The following TAFA1 variants were observed in gnomAD, a reference collection of about 807,000 sequenced individuals.
The protein encoded by TAFA1 is chemokine-like protein TAFA-1.
TAFA1 carries 4 observed loss-of-function variants against 18.5 expected under a neutral mutation model. That is an observed-to-expected ratio of 0.22 (90% CI 0.11 to 0.49). TAFA1 has a LOEUF of 0.49. Ranked by LOEUF, TAFA1 falls within the 20% of genes least tolerant of loss-of-function variation. The pLI, the probability that TAFA1 is intolerant of heterozygous loss-of-function variation, is 0.98. For synonymous variants in TAFA1, 56 were observed against 55.2 expected, an observed-to-expected ratio of 1.01 and a Z score of -0.06; for missense variants, 147 against 169.0, an observed-to-expected ratio of 0.87 and a Z score of 0.72.
At chr3:68,386,751 G>T (rs918646930) in intron 2 of TAFA1, among the ~76,000 whole-genome samples, 5 of 152,116 alleles carry the variant, frequency 3.3e-5, no homozygotes, top group African/African-American at 1.2e-4. Flanking sequence ...GTAGCTAGTA[G>T]GTGTGAAGCT....
At chr3:68,053,808 A>G (rs1202766153) in intron 2 of TAFA1, among the ~76,000 whole-genome samples, 1 of 152,178 alleles carries the variant, frequency 6.6e-6, no homozygotes, top group Non-Finnish European at 1.5e-5. Flanking sequence ...GGCTCAAGCC[A>G]TCCTCCTGCC....
chr3:68,068,857 T>C (rs934329344), intron 2 of TAFA1, among the ~76,000 whole-genome samples: 62 of 152,200 alleles, frequency 4.1e-4, no homozygotes, highest in African/African-American at 1.4e-3. Flanking sequence ...ACGTATTATG[T>C]GAGAATTTGC....
At chr3:68,421,846 G>C (rs993106765) in intron 3 of TAFA1, among the ~76,000 whole-genome samples, 2 of 151,880 alleles carry the variant, frequency 1.3e-5, no homozygotes, top group Non-Finnish European at 2.9e-5. Context: ...TATGAGTTTT[G>C]TTTCATATTA....
At chr3:68,051,666 T>C (rs2064472848) in intron 2 of TAFA1, among the ~76,000 whole-genome samples, 2 of 152,154 alleles carry the variant, frequency 1.3e-5, no homozygotes, top group African/African-American at 4.8e-5. Flanking sequence ...CCCTCTAATA[T>C]ATGGCACTGT....
chr3:68,174,696 A>T (rs1257416698), intron 2 of TAFA1, among the ~76,000 whole-genome samples: 1 of 152,222 alleles, frequency 6.6e-6, no homozygotes, highest in Non-Finnish European at 1.5e-5. Context: ...TTATAAGGGA[A>T]GCAGAGCATG....
At chr3:68,425,019 T>C (rs988421119) in intron 3 of TAFA1, among the ~76,000 whole-genome samples, 3 of 151,970 alleles carry the variant, frequency 2.0e-5, no homozygotes, top group Non-Finnish European at 2.9e-5. Flanking sequence ...TGCCTAAGAC[T>C]GGCTGGCCAG....
At chr3:68,242,825 T>C (rs1575701254) in intron 2 of TAFA1, among the ~76,000 whole-genome samples, 2 of 152,160 alleles carry the variant, frequency 1.3e-5, no homozygotes, top group Admixed American at 1.3e-4. Context: ...GACGTGTGTG[T>C]GTGTGTGCAT....
At chr3:68,040,125 A>T (rs373174098) in intron 2 of TAFA1, among the ~76,000 whole-genome samples, 11 of 152,338 alleles carry the variant, frequency 7.2e-5, no homozygotes, top group African/African-American at 2.6e-4. Context: ...TTTTGTGTTT[A>T]TGGCTATATT....
chr3:68,252,936 C>T (rs909070209), intron 2 of TAFA1, among the ~76,000 whole-genome samples: 3 of 151,998 alleles, frequency 2.0e-5, no homozygotes, highest in Non-Finnish European at 2.9e-5. Flanking sequence ...TTTATAAAGG[C>T]GAAGATCCCC....
chr3:68,193,488 C>T (rs753222700), intron 2 of TAFA1, among the ~76,000 whole-genome samples: 4 of 151,672 alleles, frequency 2.6e-5, no homozygotes, highest in Non-Finnish European at 5.9e-5. Context: ...TGTCTCCTTC[C>T]AGTGTCTCCC....
chr3:68,406,231 G>A (rs1260938938), intron 2 of TAFA1, among the ~76,000 whole-genome samples: 1 of 151,960 alleles, frequency 6.6e-6, no homozygotes, highest in African/African-American at 2.4e-5. Context: ...ATATAAAATA[G>A]CATGGCCTAT....
chr3:68,277,023 T>C (rs1477726880), intron 2 of TAFA1, among the ~76,000 whole-genome samples: 6 of 152,202 alleles, frequency 3.9e-5, no homozygotes, highest in Non-Finnish European at 8.8e-5. Context: ...ATGTACATTA[T>C]TCTTTCATGG....
rs1291453065 is a variant in TAFA1 at position 68,300,427 on chromosome 3, C to A, written c.119-116853C>A. On this transcript the variant is annotated intron_variant, in intron 2 of 4. Coordinates refer to ENST00000478136, the MANE Select transcript of TAFA1 (RefSeq NM_213609.4). ...AAAGAACATTTACCCAATGCCGCTACCCCCATTGTATCTTGGAAGTAACTA... is the reference window on the plus strand; with the variant it reads ...AAAGAACATTTACCCAATGCCGCTAACCCCATTGTATCTTGGAAGTAACTA... Among the ~76,000 whole-genome samples, 4 of 152,164 alleles carry A rather than the reference C, an allele frequency of 2.6e-5. No individual in the cohort carries two copies. In the East Asian group the frequency reaches 7.7e-4, roughly 29 times the overall value.
intron 2 of TAFA1, among the ~76,000 whole-genome samples, chr3:68,327,367 G>C (rs9310047): frequency 0.061 from 9,220 of 152,120 alleles, 388 homozygotes; most frequent in African/African-American, 0.12. Context: ...TTCTAGCAGA[G>C]TTTTGTAAAA....
At chr3:68,070,225 G>C (rs192500302) in intron 2 of TAFA1, among the ~76,000 whole-genome samples, 172 of 152,324 alleles carry the variant, frequency 1.1e-3, no homozygotes, top group African/African-American at 4.0e-3. Flanking sequence ...CTGAAATCTA[G>C]ATGAGGTTCC....
intron 2 of TAFA1, among the ~76,000 whole-genome samples, chr3:68,287,914 TGGG>T (rs71112629): frequency 3.8e-5 from 2 of 53,288 alleles, no homozygotes; most frequent in African/African-American, 1.8e-4. Context: ...TGTTGGGGGG[TGGG>T]GGGGCTTTTT....
chr3:68,064,058 A>G (rs2064641319), intron 2 of TAFA1, among the ~76,000 whole-genome samples: 1 of 152,186 alleles, frequency 6.6e-6, no homozygotes, highest in Non-Finnish European at 1.5e-5. Flanking sequence ...AAAAAACAAA[A>G]CTTAATAAGT....
chr3:68,486,714 G>A (rs1186518730), intron 3 of TAFA1, among the ~76,000 whole-genome samples: 1 of 152,190 alleles, frequency 6.6e-6, no homozygotes, highest in Non-Finnish European at 1.5e-5. Flanking sequence ...TTGTTTGATG[G>A]TGTCAATGCA....
At chr3:68,406,472 A>G (rs1231484090) in intron 2 of TAFA1, among the ~76,000 whole-genome samples, 1 of 152,198 alleles carries the variant, frequency 6.6e-6, no homozygotes, top group Admixed American at 6.5e-5. Context: ...TCACAGTAGA[A>G]TACAACTTAT....
Sources: gnomAD v4.1 joint callset for allele counts (sites outside exome capture counted in the v4.1 genomes callset) on GRCh38, gnomAD v4.1.1 for gene constraint, MANE v1.5 for transcripts, NCBI Gene and HGNC (gene_info 2026-07-23, HGNC 2026-07-21) for gene names.